KLF12: variants seen among roughly 807,000 people sequenced by gnomAD.
KLF12 encodes KLF transcription factor 12, also known as Krueppel-like factor 12.
In KLF12, 9 loss-of-function variants were observed where a neutral mutation model predicts 37.8. The observed-to-expected ratio is 0.24, with a 90% CI of 0.14 to 0.42. KLF12 has a LOEUF of 0.42. Among genes scored for constraint, KLF12 ranks in the 10% least tolerant of loss-of-function variants. The pLI is 1.00. For synonymous variants in KLF12, 208 were observed against 202.1 expected, an observed-to-expected ratio of 1.03 and a Z score of -0.25; for missense variants, 411 against 516.0, an observed-to-expected ratio of 0.80 and a Z score of 1.97.
chr13:74,149,149 C>T, the KLF12 span, among the ~76,000 whole-genome samples: 1 of 152,286 alleles, frequency 6.6e-6, no homozygotes, highest in Non-Finnish European at 1.5e-5. Context: ...CAGCCCACTC[C>T]CTTAGTGATC....
intron 6 of KLF12, among the ~76,000 whole-genome samples, chr13:73,753,546 A>G (rs1878933515): frequency 6.6e-6 from 1 of 152,160 alleles, no homozygotes; most frequent in African/African-American, 2.4e-5. Context: ...TGTCTTATTA[A>G]ATACTGTGCC....
intron 5 of KLF12, among the ~76,000 whole-genome samples, chr13:73,782,256 A>C (rs1881015630): frequency 6.6e-6 from 1 of 152,204 alleles, no homozygotes; most frequent in Admixed American, 6.5e-5. Context: ...CCTGGAGCAC[A>C]GTGTGTTCTA....
rs1344193264 is a variant in KLF12, at chr13:73,687,784, A to G, written c.*7706T>C. The G allele has an allele frequency of 2.6e-5, 4 of 152,212 alleles. No homozygotes were observed. The highest frequency in any genetic ancestry group is 7.2e-5 in the African/African-American group (3 of 41,448). 9.4% of individuals were successfully genotyped at this position (152,212 alleles called of 1,614,324 possible). ...GGAAGAAGATGCAATAATTCACACA[A>G]GGAGTCCATTCATTGGTTCTCGCCT... On this transcript the variant is annotated 3_prime_UTR_variant, in exon 8 of 8. Coordinates refer to ENST00000377669, the MANE Select transcript of KLF12 (RefSeq NM_007249.5).
intron 3 of KLF12, among the ~76,000 whole-genome samples, chr13:73,939,801 A>G (rs1473673593): frequency 6.6e-6 from 1 of 152,060 alleles, no homozygotes; most frequent in African/African-American, 2.4e-5. Flanking sequence ...TACCATCTGA[A>G]CTCAGGTCTT....
the KLF12 span, among the ~76,000 whole-genome samples, chr13:74,264,664 A>G: frequency 6.6e-6 from 1 of 152,070 alleles, no homozygotes; most frequent in Non-Finnish European, 1.5e-5. Flanking sequence ...TCAGATCCTA[A>G]CCCTCTTTCC....
intron 6 of KLF12, among the ~76,000 whole-genome samples, chr13:73,716,812 T>G (rs1875847929): frequency 6.6e-6 from 1 of 152,228 alleles, no homozygotes; most frequent in Non-Finnish European, 1.5e-5. Context: ...ATAATTCATT[T>G]ATTTGAAGTG....
intron 4 of KLF12, among the ~76,000 whole-genome samples, chr13:73,837,407 T>C (rs993222494): frequency 6.6e-6 from 1 of 152,194 alleles, no homozygotes; most frequent in Non-Finnish European, 1.5e-5. Flanking sequence ...AGCCAATTTT[T>C]TGATGGAATC....
intron 2 of KLF12, among the ~76,000 whole-genome samples, chr13:73,959,904 T>C (rs1278977007): frequency 6.6e-6 from 1 of 152,184 alleles, no homozygotes. Context: ...AAAGTTAAAA[T>C]TGCGGGATCA....
chr13:74,066,584 G>A (rs1419240324), intron 1 of KLF12, among the ~76,000 whole-genome samples: 1 of 152,188 alleles, frequency 6.6e-6, no homozygotes, highest in African/African-American at 2.4e-5. Context: ...GGCCTGCCTA[G>A]AAGGTTGATG....
At chr13:74,012,818 A>G (rs140096356) in intron 1 of KLF12, among the ~76,000 whole-genome samples, 1,703 of 152,318 alleles carry the variant, frequency 0.011, 23 homozygotes, top group African/African-American at 0.034. Flanking sequence ...AAAAACAATC[A>G]CATATTATAT....
chr13:73,728,580 A>AT (rs1281127756), intron 6 of KLF12, among the ~76,000 whole-genome samples: 1 of 152,192 alleles, frequency 6.6e-6, no homozygotes, highest in Non-Finnish European at 1.5e-5. Context: ...GATGCATTTT[A>AT]TCTGAGGATA....
intron 6 of KLF12, among the ~76,000 whole-genome samples, chr13:73,722,845 A>G (rs576032030): frequency 1.2e-4 from 19 of 152,354 alleles, no homozygotes; most frequent in South Asian, 4.1e-4. Flanking sequence ...TTTAATAAAC[A>G]AAGTTTCCTA....
At chr13:73,970,314 G>T (rs2296859) in intron 2 of KLF12, among the ~76,000 whole-genome samples, 7,400 of 150,924 alleles carry the variant, frequency 0.049, 387 homozygotes, top group African/African-American at 0.13. Context: ...CACATAGCAA[G>T]GCACTTTATA....
At chr13:73,769,308 AAT>A (rs1845316656) in intron 5 of KLF12, among the ~76,000 whole-genome samples, 1 of 152,184 alleles carries the variant, frequency 6.6e-6, no homozygotes, top group African/African-American at 2.4e-5. Context: ...CACAGCCATC[AAT>A]AGTCTCCATG....
At chr13:74,072,713 C>G (rs1487739877) in intron 1 of KLF12, among the ~76,000 whole-genome samples, 2 of 152,078 alleles carry the variant, frequency 1.3e-5, no homozygotes, top group Non-Finnish European at 2.9e-5. Context: ...GACCCCATTT[C>G]TGTGTGTATA....
chr13:74,207,933 A>C, the KLF12 span, among the ~76,000 whole-genome samples: 1 of 152,316 alleles, frequency 6.6e-6, no homozygotes, highest in African/African-American at 2.4e-5. Context: ...TAATTAAGTG[A>C]ATTGTAAGTA....
the KLF12 span, among the ~76,000 whole-genome samples, chr13:74,169,290 T>C: frequency 1.3e-5 from 2 of 152,250 alleles, no homozygotes; most frequent in Non-Finnish European, 2.9e-5. Flanking sequence ...TAATCACTAT[T>C]ATTATGTATC....
chr13:73,898,166 T>C (rs1289973656), intron 3 of KLF12, among the ~76,000 whole-genome samples: 1 of 152,192 alleles, frequency 6.6e-6, no homozygotes, highest in Non-Finnish European at 1.5e-5. Context: ...CTTCTTAATA[T>C]ATATTTCCTA....
intron 7 of KLF12, among the ~76,000 whole-genome samples, chr13:73,700,265 T>A (rs1874447175): frequency 6.6e-6 from 1 of 150,952 alleles, no homozygotes; most frequent in Admixed American, 6.6e-5. Flanking sequence ...AGACTCTGTC[T>A]CAAAAAATAA....
Sources: allele counts gnomAD v4.1 joint callset (sites outside exome capture counted in the v4.1 genomes callset), GRCh38; gene constraint gnomAD v4.1.1; transcripts MANE v1.5; gene names NCBI Gene and HGNC (gene_info 2026-07-23, HGNC 2026-07-21).